The following SLCO6A1 variants were observed in gnomAD, a reference collection of about 807,000 sequenced individuals.
SLCO6A1 encodes the protein solute carrier organic anion transporter family member 6A1.
In SLCO6A1, 65 loss-of-function variants were observed where a neutral mutation model predicts 72.7. The observed-to-expected ratio is 0.89, with a 90% CI of 0.73 to 1.10. The LOEUF is 1.10. Among genes scored for constraint, SLCO6A1 ranks in the 50% least tolerant of loss-of-function variants. The pLI, the probability that SLCO6A1 is intolerant of heterozygous loss-of-function variation, is 0.00. For synonymous variants in SLCO6A1, 314 were observed against 298.2 expected (o/e 1.05, Z -0.55); for missense variants, 874 against 872.6 (o/e 1.00, Z -0.02).
intron 7 of SLCO6A1, among the ~76,000 whole-genome samples, chr5:102,433,686 G>A (rs1186373362): frequency 1.3e-5 from 2 of 152,116 alleles, no homozygotes; most frequent in East Asian, 3.9e-4. Context: ...AATGGACGGT[G>A]GCAGCCAAAG....
At chr5:102,465,252 T>C (rs1302786020) in intron 4 of SLCO6A1, among the ~76,000 whole-genome samples, 1 of 151,990 alleles carries the variant, frequency 6.6e-6, no homozygotes, top group East Asian at 1.9e-4. Flanking sequence ...AGGTCAGAAA[T>C]ACCTAGGGCT....
chr5:102,473,500 G>C (rs1406993052), intron 4 of SLCO6A1, among the ~76,000 whole-genome samples: 1 of 151,886 alleles, frequency 6.6e-6, no homozygotes, highest in Non-Finnish European at 1.5e-5. Context: ...TGTATTAAAA[G>C]CCTACAGTTA....
chr5:102,442,918 C>A (rs10463980), intron 6 of SLCO6A1, among the ~76,000 whole-genome samples: 98,041 of 151,946 alleles, frequency 0.65, 31,818 homozygotes, highest in African/African-American at 0.66. Context: ...AAAAATTAGG[C>A]TGGGTGCAGT....
intron 4 of SLCO6A1, 102 bp from the exon 5 acceptor site, chr5:102,459,879 G>T: frequency 2.6e-6 from 2 of 765,902 alleles, no homozygotes; most frequent in Non-Finnish European, 1.9e-6. Flanking sequence ...GAGAGGGAGG[G>T]TTGGAGAGTG....
chr5:102,438,917 T>C (rs1467194084), intron 6 of SLCO6A1, among the ~76,000 whole-genome samples, 156 bp from the exon 7 acceptor site: 1 of 152,054 alleles, frequency 6.6e-6, no homozygotes, highest in African/African-American at 2.4e-5. Context: ...GATAGATAGA[T>C]AGATCAGACA....
chr5:102,385,618 T>C (rs768796188), intron 12 of SLCO6A1, among the ~76,000 whole-genome samples: 3 of 152,176 alleles, frequency 2.0e-5, no homozygotes, highest in Non-Finnish European at 2.9e-5. Context: ...TTTTTCAGTT[T>C]AATTATTGTG....
At position 102,427,413 on chromosome 5, in the gene SLCO6A1, T is replaced by C. The variant is rs184530710; in HGVS notation, c.1277-7392A>G. Among the ~76,000 whole-genome samples the C allele has an allele frequency of 8.1e-3, 1,236 of 152,244 alleles. 12 individuals are homozygous for C. Among genetic ancestry groups the C allele is most frequent in the Non-Finnish European group, 0.015 (1,007 of 68,008 alleles). On this transcript the variant is annotated intron_variant, in intron 7 of 13. Transcript: ENST00000506729. ...ACATGGATAGTATATTCCCTTGATA[T>C]GATGTTTTGAAAATGATACTTTACC...
At chr5:102,458,595 G>C in intron 5 of SLCO6A1, 104 bp from the exon 6 acceptor site, 1 of 682,610 alleles carries the variant, frequency 1.5e-6, no homozygotes, top group Admixed American at 2.9e-5. Context: ...TCCTGAAATG[G>C]CAAATGAGTT....
At chr5:102,397,873 C>CTG (rs902247406) in intron 10 of SLCO6A1, among the ~76,000 whole-genome samples, 3 of 152,074 alleles carry the variant, frequency 2.0e-5, no homozygotes, top group African/African-American at 7.2e-5. Context: ...TAGTGTGTGT[C>CTG]TGTGTGTGTG....
chr5:102,374,385 T>C (rs10062073), intron 12 of SLCO6A1, among the ~76,000 whole-genome samples: 32,527 of 152,068 alleles, frequency 0.21, 4,580 homozygotes, highest in Non-Finnish European at 0.28. Context: ...TACTGCAACC[T>C]GAACTGCTGG....
intron 12 of SLCO6A1, among the ~76,000 whole-genome samples, chr5:102,378,929 C>T (rs1026669925): frequency 1.3e-5 from 2 of 151,856 alleles, no homozygotes; most frequent in Admixed American, 6.6e-5. Context: ...TACAGGTGCC[C>T]GCCACTACGC....
intron 7 of SLCO6A1, among the ~76,000 whole-genome samples, chr5:102,427,726 T>C (rs1219595294): frequency 1.3e-5 from 2 of 151,624 alleles, no homozygotes; most frequent in African/African-American, 4.8e-5. Flanking sequence ...TTAGTAATAT[T>C]GTATTAATTT....
intron 9 of SLCO6A1, among the ~76,000 whole-genome samples, chr5:102,409,817 T>C (rs1747875532): frequency 6.6e-6 from 1 of 152,142 alleles, no homozygotes; most frequent in African/African-American, 2.4e-5. Flanking sequence ...ATAAAGTCTC[T>C]AAAAGAGATT....
intron 8 of SLCO6A1, among the ~76,000 whole-genome samples, chr5:102,415,027 TAAGAA>T (rs1184905435): frequency 1.3e-5 from 2 of 151,922 alleles, no homozygotes; most frequent in Non-Finnish European, 2.9e-5. Context: ...AAGATCTCTA[TAAGAA>T]AAGAAAACTA....
intron 10 of SLCO6A1, 85 bp from the exon 11 acceptor site, chr5:102,391,130 T>G: frequency 7.6e-7 from 1 of 1,310,584 alleles, no homozygotes; most frequent in Non-Finnish European, 1.1e-6. Flanking sequence ...TAATCATTTT[T>G]TTTTTCTGGT....
At chr5:102,419,508 C>T (rs1356864747) in intron 8 of SLCO6A1, among the ~76,000 whole-genome samples, 1 of 152,186 alleles carries the variant, frequency 6.6e-6, no homozygotes, top group Non-Finnish European at 1.5e-5. Context: ...CAAGGTAAGA[C>T]TGGCTTTGCA....
intron 4 of SLCO6A1, among the ~76,000 whole-genome samples, chr5:102,473,101 A>G (rs1227208918): frequency 6.6e-6 from 1 of 152,050 alleles, no homozygotes; most frequent in African/African-American, 2.4e-5. Context: ...GTAACTGAAG[A>G]GGAGGGAATA....
chr5:102,477,769 T>A lies in SLCO6A1; in HGVS notation c.709A>T (p.Thr237Ser). Reference sequence around the variant, plus strand: ...GGCATTCCTGCTATTCCCTGCACAGTCTGCCCAAGGATGAAGAAAGACAGG... The same window carrying A: ...GGCATTCCTGCTATTCCCTGCACAGACTGCCCAAGGATGAAGAAAGACAGG... ...KYLSFFILGQ[T>S]VQGIAGMPLY... The change falls in exon 3 of 14, where the codon ACT becomes TCT. Residue 237 changes from threonine (T) to serine (S), a missense_variant. Coordinates refer to ENST00000506729, the MANE Select transcript of SLCO6A1 (RefSeq NM_173488.5). 1 of 1,613,780 alleles carries A rather than the reference T, an allele frequency of 6.2e-7. No individual in the cohort carries two copies. The highest frequency in any genetic ancestry group is 1.1e-5 in the South Asian group (1 of 91,072).
At chr5:102,391,640 C>T (rs998409941) in intron 10 of SLCO6A1, among the ~76,000 whole-genome samples, 1 of 151,980 alleles carries the variant, frequency 6.6e-6, no homozygotes, top group East Asian at 1.9e-4. Context: ...TTCTTCCCAG[C>T]CCTTGTTTCT....
Sources: allele counts gnomAD v4.1 joint callset (sites outside exome capture counted in the v4.1 genomes callset), GRCh38; gene constraint gnomAD v4.1.1; transcripts MANE v1.5; gene names NCBI Gene and HGNC (gene_info 2026-07-23, HGNC 2026-07-21).